Variants in THSD7B observed in about 807,000 individuals in gnomAD.
THSD7B encodes thrombospondin type 1 domain containing 7B.
In THSD7B, 138 loss-of-function variants were observed where a neutral mutation model predicts 213.6. The observed-to-expected ratio is 0.65, with a 90% CI of 0.56 to 0.74. The LOEUF (loss-of-function observed/expected upper bound fraction) is 0.74, where lower values mean the gene tolerates loss of function less well. THSD7B is among the 30% of genes least tolerant of loss of function. The probability of loss-of-function intolerance (pLI) is 0.00; values close to 1 mark genes in which losing one functional copy is unlikely to be tolerated. For synonymous variants in THSD7B, 742 were observed against 687.0 expected (o/e 1.08, Z -1.25); for missense variants, 1,931 against 1,991.5 (o/e 0.97, Z 0.58).
At chr2:137,128,075 A>G (rs1384361835) in intron 5 of THSD7B, among the ~76,000 whole-genome samples, 1 of 152,156 alleles carries the variant, frequency 6.6e-6, no homozygotes, top group Non-Finnish European at 1.5e-5. Flanking sequence ...TACTGGTAAT[A>G]TTTTCTTCCA....
intron 1 of THSD7B, among the ~76,000 whole-genome samples, chr2:136,785,717 G>A (rs1473512493): frequency 1.3e-5 from 2 of 152,142 alleles, no homozygotes; most frequent in South Asian, 2.1e-4. Flanking sequence ...TGGGATTTCC[G>A]GGAAAGCCCT....
chr2:136,851,231 A>G (rs1241478524), intron 1 of THSD7B, among the ~76,000 whole-genome samples: 4 of 152,016 alleles, frequency 2.6e-5, no homozygotes, highest in Non-Finnish European at 4.4e-5. Context: ...TCTTATTTCT[A>G]TAATTATCTT....
chr2:136,777,619 T>A (rs1681637530), intron 1 of THSD7B, among the ~76,000 whole-genome samples: 1 of 152,184 alleles, frequency 6.6e-6, no homozygotes, highest in Non-Finnish European at 1.5e-5. Flanking sequence ...CCTGCCATTT[T>A]GATTCTCTCT....
At chr2:137,214,411 G>A (rs758275578) in intron 7 of THSD7B, among the ~76,000 whole-genome samples, 13 of 152,036 alleles carry the variant, frequency 8.6e-5, no homozygotes, top group Non-Finnish European at 1.2e-4. Context: ...CATACCTTTG[G>A]TAGAAAGTAG....
chr2:137,371,597 C>T (rs1217235403), intron 12 of THSD7B, among the ~76,000 whole-genome samples: 1 of 151,884 alleles, frequency 6.6e-6, no homozygotes, highest in African/African-American at 2.4e-5. Context: ...TAATGATTTC[C>T]TCCCTGGCAT....
intron 12 of THSD7B, among the ~76,000 whole-genome samples, chr2:137,278,149 AATATAAAG>A (rs1435232834): frequency 6.6e-6 from 1 of 152,080 alleles, no homozygotes; most frequent in Non-Finnish European, 1.5e-5. Flanking sequence ...GAGAAATGAG[AATATAAAG>A]GGGAGAAAAG....
At chr2:137,053,059 A>T (rs1687097369) in intron 2 of THSD7B, among the ~76,000 whole-genome samples, 1 of 152,166 alleles carries the variant, frequency 6.6e-6, no homozygotes, top group South Asian at 2.1e-4. Flanking sequence ...GTTTATTAAC[A>T]TGCATGTGTC....
intron 12 of THSD7B, among the ~76,000 whole-genome samples, chr2:137,333,195 C>A (rs1684553922): frequency 6.6e-6 from 1 of 152,080 alleles, no homozygotes; most frequent in Admixed American, 6.6e-5. Flanking sequence ...CCCCTTCATC[C>A]CCTGCCCAGC....
At chr2:136,937,876 T>G (rs1352624141) in intron 2 of THSD7B, among the ~76,000 whole-genome samples, 1 of 152,200 alleles carries the variant, frequency 6.6e-6, no homozygotes, top group Non-Finnish European at 1.5e-5. Context: ...TGCTTGATTT[T>G]GTCATTGAGT....
intron 19 of THSD7B, among the ~76,000 whole-genome samples, chr2:137,620,326 C>T (rs1682495142): frequency 6.6e-6 from 1 of 152,178 alleles, no homozygotes; most frequent in African/African-American, 2.4e-5. Context: ...GATTGAGCAA[C>T]AGGACAGATC....
At chr2:137,558,115 G>A (rs1285196131) in intron 15 of THSD7B, among the ~76,000 whole-genome samples, 1 of 152,144 alleles carries the variant, frequency 6.6e-6, no homozygotes, top group African/African-American at 2.4e-5. Flanking sequence ...TGGATTCACA[G>A]CCGAATTCTA....
chr2:136,964,788 G>A (rs10205914), intron 2 of THSD7B, among the ~76,000 whole-genome samples: 7,700 of 152,108 alleles, frequency 0.051, 218 homozygotes, highest in Middle Eastern at 0.18. Flanking sequence ...GGATCATGAG[G>A]TCAGGAGTTT....
chr2:137,304,797 T>C (rs1212087677), intron 12 of THSD7B, among the ~76,000 whole-genome samples: 2 of 152,110 alleles, frequency 1.3e-5, no homozygotes, highest in Non-Finnish European at 2.9e-5. Flanking sequence ...TAACAAAACA[T>C]GATATATAGT....
rs1280088724 is a variant in THSD7B, at chr2:137,366,553, T to C, written c.2501-39060T>C. 2.6e-5 allele frequency among the ~76,000 whole-genome samples: 4 copies of C among 152,120 alleles called. No individual in the cohort carries two copies. In the East Asian group the frequency reaches 7.7e-4, roughly 29 times the overall value. On this transcript the variant is annotated intron_variant, in intron 12 of 27. Transcript: ENST00000409968. ...GTTGATATCACAAATGGTTTCTCCT[T>C]CCATCCCCTTCTATGTGTTACATCT... is the stretch of plus-strand genomic sequence containing the variant.
At chr2:137,588,168 C>T (rs538071469) in intron 17 of THSD7B, among the ~76,000 whole-genome samples, 1 of 152,312 alleles carries the variant, frequency 6.6e-6, no homozygotes, top group South Asian at 2.1e-4. Context: ...CTGCCGTTTG[C>T]TAAGACCATT....
At chr2:136,940,713 A>G (rs370063248) in intron 2 of THSD7B, among the ~76,000 whole-genome samples, 372 of 35,468 alleles carry the variant, frequency 0.01, 1 homozygote, top group Non-Finnish European at 0.025. Context: ...GTGTGTGTGT[A>G]TATATATATA....
At chr2:137,258,761 C>T (rs111318010) in intron 10 of THSD7B, among the ~76,000 whole-genome samples, 287 of 151,526 alleles carry the variant, frequency 1.9e-3, no homozygotes, top group African/African-American at 6.6e-3. Context: ...TGATTTGCTG[C>T]ACCCGTCAAC....
chr2:137,337,392 C>CT (rs1684662326), intron 12 of THSD7B, among the ~76,000 whole-genome samples: 1 of 152,060 alleles, frequency 6.6e-6, no homozygotes, highest in East Asian at 1.9e-4. Flanking sequence ...TGTCTGATGT[C>CT]TTTCTCATGA....
At chr2:136,774,060 A>C (rs979376420) in intron 1 of THSD7B, among the ~76,000 whole-genome samples, 1 of 151,998 alleles carries the variant, frequency 6.6e-6, no homozygotes, top group Non-Finnish European at 1.5e-5. Flanking sequence ...TCTACTTTAC[A>C]ACTCTTCATA....
Sources: gnomAD v4.1 joint callset for allele counts (sites outside exome capture counted in the v4.1 genomes callset) on GRCh38, gnomAD v4.1.1 for gene constraint, MANE v1.5 for transcripts, NCBI Gene and HGNC (gene_info 2026-07-23, HGNC 2026-07-21) for gene names.